Variants in PRUNE2 observed in about 807,000 individuals in gnomAD.
PRUNE2 encodes the protein prune homolog 2 with BCH domain.
In PRUNE2, 164 loss-of-function variants were observed where a neutral mutation model predicts 252.0. The observed-to-expected ratio is 0.65, with a 90% CI of 0.57 to 0.74. PRUNE2 has a LOEUF of 0.74. Among genes scored for constraint, PRUNE2 ranks in the 30% least tolerant of loss-of-function variants. The pLI, the probability that PRUNE2 is intolerant of heterozygous loss-of-function variation, is 0.00. For synonymous variants in PRUNE2, 1,292 were observed against 1,350.2 expected, an observed-to-expected ratio of 0.96 and a Z score of 0.94; for missense variants, 3,495 against 3,711.0, an observed-to-expected ratio of 0.94 and a Z score of 1.51.
chr9:76,779,153 C>T (rs990045578), intron 6 of PRUNE2, among the ~76,000 whole-genome samples: 1 of 151,194 alleles, frequency 6.6e-6, no homozygotes, highest in African/African-American at 2.4e-5. Context: ...TCTGGATGGG[C>T]AATACTTATG....
At chr9:76,794,687 G>A (rs2055910165) in intron 6 of PRUNE2, among the ~76,000 whole-genome samples, 1 of 151,608 alleles carries the variant, frequency 6.6e-6, no homozygotes, top group Non-Finnish European at 1.5e-5. Flanking sequence ...GGGAATCCCT[G>A]GAAAGAAAGC....
At chr9:76,810,203 C>T (rs1445520805) in intron 6 of PRUNE2, among the ~76,000 whole-genome samples, 2 of 152,202 alleles carry the variant, frequency 1.3e-5, no homozygotes, top group East Asian at 3.8e-4. Flanking sequence ...CACAAATCTT[C>T]ACTGTCATGA....
rs914152129 is a variant in PRUNE2, at chr9:76,706,425, G to T, written c.5849C>A (p.Thr1950Asn). ...CTGCTCTTGGGTAGGTGTTTCAGGAGTCAGCTCATCACCAGCAGCAGACAC... is the reference window on the plus strand; with the variant it reads ...CTGCTCTTGGGTAGGTGTTTCAGGATTCAGCTCATCACCAGCAGCAGACAC... Reference protein sequence around the residue: ...TFVSAAGDELTPETPTQEQCQ... With the variant: ...TFVSAAGDELNPETPTQEQCQ... The change falls in exon 8 of 19, where the codon ACT (threonine) becomes AAT (asparagine). Residue 1950 changes from threonine to asparagine, a missense_variant. By Grantham distance (65) the Thr-to-Asn change is moderately conservative (BLOSUM62 0). Coordinates refer to ENST00000376718, the MANE Select transcript of PRUNE2 (RefSeq NM_015225.3). 1.2e-6 allele frequency: 2 copies of T among 1,613,924 alleles called. No homozygotes were observed. Among genetic ancestry groups the T allele is most frequent in the African/African-American group, 2.7e-5 (2 of 74,936 alleles).
rs557864026 is a variant in PRUNE2, at chr9:76,624,517, G to A, written c.9150-27C>T. ...TGCAGGAGCAAAAATTATTGGTGTG[G>A]AAAAGAAACAAAAGAGAAGCAAGCA... On this transcript the variant is annotated intron_variant, in intron 16 of 18. Transcript: ENST00000376718. The A allele has an allele frequency of 1.1e-4, 158 of 1,383,908 alleles. 3 individuals carry two copies. In the South Asian group the frequency reaches 1.4e-3, roughly 12 times the overall value. The allele number at this position is 1,383,908 out of a possible 1,614,324, so 85.7% of individuals were successfully genotyped here.
intron 5 of PRUNE2, among the ~76,000 whole-genome samples, chr9:76,825,602 T>C (rs1286658506): frequency 6.6e-6 from 1 of 152,260 alleles, no homozygotes; most frequent in Admixed American, 6.5e-5. Flanking sequence ...AGGCTGGGTT[T>C]AGGCCTTGCC....
intron 1 of PRUNE2, 130 bp downstream of exon 1, chr9:76,905,798 A>T: frequency 8.4e-7 from 1 of 1,187,208 alleles, no homozygotes; most frequent in Non-Finnish European, 1.2e-6. Flanking sequence ...CTTCCAGGAG[A>T]CAACCCGCAC....
chr9:76,894,695 C>T (rs1248849951), intron 1 of PRUNE2, among the ~76,000 whole-genome samples: 1 of 139,096 alleles, frequency 7.2e-6, no homozygotes, highest in African/African-American at 2.9e-5. Context: ...TCTTTTTGCA[C>T]CCTTTCATTA....
intron 6 of PRUNE2, among the ~76,000 whole-genome samples, chr9:76,790,013 G>A (rs770989484): frequency 4.6e-5 from 7 of 152,158 alleles, no homozygotes; most frequent in Non-Finnish European, 8.8e-5. Context: ...CCACTTCTAA[G>A]TTAATTAAGC....
Position 76,644,865 on chromosome 9 carries a change from G to A in PRUNE2, c.8602C>T (p.Pro2868Ser). 4.3e-6 allele frequency: 7 copies of A among 1,613,852 alleles called. No homozygotes were observed. Among genetic ancestry groups the A allele is most frequent in the Non-Finnish European group, 5.9e-6 (7 of 1,179,838 alleles). ...CGTTCCTCTTCGGCCGTATATTCTG[G>A]AATAGACTCTGACTCTTGGCCAGAA... The part of the protein sequence containing the change: ...KDSGQESESI[P>S]EYTAEEERED... Residue 2868 changes from proline (P) to serine (S), a missense_variant, in exon 12 of 19, where the codon CCA (proline) becomes TCA (serine). Physicochemically the swap from Pro to Ser is moderately conservative, Grantham distance 74. Coordinates refer to ENST00000376718, the MANE Select transcript of PRUNE2 (RefSeq NM_015225.3).
chr9:76,705,272 A>C lies in PRUNE2; in HGVS notation c.7002T>G (p.Asp2334Glu), dbSNP rs1347281489. Residue 2334 changes from aspartate (D) to glutamate (E), a missense_variant, in exon 8 of 19, where the codon GAT becomes GAG. Transcript: ENST00000376718. The stretch of plus-strand genomic sequence containing the variant: ...AGATATCTTGCTTCCCTAGGTCCCC[A>C]TCAACTGGCGTTTCCGGATGGCCTT... ...LSEGHPETPV[D>E]GDLGKQDICS... 1.9e-6 allele frequency: 3 copies of C among 1,614,026 alleles called. No individual in the cohort carries two copies. The Admixed American group carries it at 5.0e-5, about 27-fold the overall frequency.
At chr9:76,659,867 T>C (rs970486326) in intron 9 of PRUNE2, among the ~76,000 whole-genome samples, 1 of 150,600 alleles carries the variant, frequency 6.6e-6, no homozygotes, top group Non-Finnish European at 1.5e-5. Flanking sequence ...AAATAACATA[T>C]ATAGAAAAAA....
At chr9:76,671,138 G>C (rs1488167203) in intron 9 of PRUNE2, among the ~76,000 whole-genome samples, 1 of 151,194 alleles carries the variant, frequency 6.6e-6, no homozygotes, top group African/African-American at 2.4e-5. Flanking sequence ...CAAAGGCAAA[G>C]AAGTTGAAAA....
intron 6 of PRUNE2, among the ~76,000 whole-genome samples, chr9:76,718,439 G>C (rs1329445364): frequency 2.1e-5 from 2 of 97,102 alleles, no homozygotes; most frequent in Non-Finnish European, 4.2e-5. Context: ...CAAGCACTCC[G>C]AGGTTGCCAA....
At chr9:76,626,385 G>C (rs887802051) in intron 16 of PRUNE2, among the ~76,000 whole-genome samples, 4 of 152,196 alleles carry the variant, frequency 2.6e-5, no homozygotes, top group Non-Finnish European at 5.9e-5. Flanking sequence ...GTGATAAAAA[G>C]GAGCCATGGC....
Position 76,688,217 on chromosome 9 carries a change from C to T in PRUNE2, c.8276+15120G>A, listed in dbSNP as rs2044307353. ...TCTTCACACCCCATCCCAATAGGTA[C>T]ACCTCAGTAGATACAGAGGTCTGCA... is the stretch of plus-strand genomic sequence containing the variant. On this transcript the variant is annotated intron_variant, in intron 9 of 18. Transcript: ENST00000376718. Among the ~76,000 whole-genome samples the T allele has an allele frequency of 2.0e-5, 3 of 152,186 alleles. No homozygotes were observed. In the South Asian group the frequency reaches 6.2e-4, roughly 31 times the overall value.
chr9:76,771,920 T>G (rs2053157024), intron 6 of PRUNE2, among the ~76,000 whole-genome samples: 1 of 152,180 alleles, frequency 6.6e-6, no homozygotes. Flanking sequence ...AATGCTCACC[T>G]TGTGACAAGG....
At chr9:76,641,220 T>G (rs1322363916) in intron 12 of PRUNE2, among the ~76,000 whole-genome samples, 3 of 152,108 alleles carry the variant, frequency 2.0e-5, no homozygotes, top group African/African-American at 7.2e-5. Flanking sequence ...AAATGAAAAT[T>G]TATAAATGAA....
In PRUNE2 at chr9:76,700,991, C is replaced by A. The variant is rs368771420; in HGVS notation, c.8276+2346G>T. On this transcript the variant is annotated intron_variant, in intron 9 of 18. Transcript: ENST00000376718. ...ACTTAAATATTACACTGCTATCTAC[C>A]TTTTTACTTATGTCTAACTCTTTAG... Among the ~76,000 whole-genome samples the A allele has an allele frequency of 1.2e-4, 19 of 152,286 alleles. No homozygotes were observed. The East Asian group carries it at 3.3e-3, about 26-fold the overall frequency.
chr9:76,826,602 C>T lies in PRUNE2; in HGVS notation c.639G>A (p.Gln213=). ...CACCCTGAGCACTGAACTGGGTCTC[C>T]TGTAGGACGTTGATGATGTCCTCTC... ...PPREDIINVL[Q]ETQFSAQGLS... is the part of the protein sequence containing the mutation. The change falls in exon 5 of 19, where the codon CAG becomes CAA. Residue 213 remains glutamine, a synonymous_variant. Transcript: ENST00000376718. 6.2e-7 allele frequency: 1 copy of T among 1,608,888 alleles called. No homozygotes were observed. The highest frequency in any genetic ancestry group is 1.3e-5 in the African/African-American group (1 of 74,952).
Sources: allele counts gnomAD v4.1 joint callset (sites outside exome capture counted in the v4.1 genomes callset), GRCh38; gene constraint gnomAD v4.1.1; transcripts MANE v1.5; gene names NCBI Gene and HGNC (gene_info 2026-07-23, HGNC 2026-07-21).